Variants in CYRIA observed in about 807,000 individuals in gnomAD.
CYRIA encodes the protein CYFIP-related Rac1 interactor A.
In CYRIA, 15 loss-of-function variants were observed where a neutral mutation model predicts 43.9. The observed-to-expected ratio is 0.34, with a 90% CI of 0.23 to 0.53. The LOEUF (loss-of-function observed/expected upper bound fraction) is 0.53. CYRIA is among the 20% of genes least tolerant of loss of function. The pLI, the probability that CYRIA is intolerant of heterozygous loss-of-function variation, is 0.94. For synonymous variants in CYRIA, 117 were observed against 136.0 expected (o/e 0.86, Z 0.97); for missense variants, 236 against 394.2 (o/e 0.60, Z 3.40).
chr2:16,599,983 T>C (rs1668144728), intron 2 of CYRIA, among the ~76,000 whole-genome samples: 1 of 152,194 alleles, frequency 6.6e-6, no homozygotes, highest in South Asian at 2.1e-4. Flanking sequence ...CTCGAACTCC[T>C]GACCTCAGGT....
chr2:16,620,793 C>T (rs143401500), intron 2 of CYRIA, among the ~76,000 whole-genome samples: 1 of 152,260 alleles, frequency 6.6e-6, no homozygotes, highest in African/African-American at 2.4e-5. Flanking sequence ...GGTGAAGGTG[C>T]ACAGGATTCC....
chr2:16,580,042 G>A (rs545113806), intron 3 of CYRIA, among the ~76,000 whole-genome samples: 145 of 152,042 alleles, frequency 9.5e-4, no homozygotes, highest in African/African-American at 3.4e-3. Flanking sequence ...CCACCTCCTG[G>A]CCTCGAGCAA....
rs138128718 is a variant in CYRIA, at chr2:16,630,171, C to T, written c.-166-6152G>A. Among the ~76,000 whole-genome samples, 594 of 152,300 alleles carry T rather than the reference C, an allele frequency of 3.9e-3. 2 individuals carry two copies. The highest frequency in any genetic ancestry group is 0.01 in the Middle Eastern group (3 of 294). On this transcript the variant is annotated intron_variant, in intron 1 of 11. Coordinates refer to ENST00000381323, the MANE Select transcript of CYRIA (RefSeq NM_030797.4). ...ACTCTTGCTGGAAATGGCAGTGCTC[C>T]TATTATCCACATCTTACAGATAAGG... is the stretch of plus-strand genomic sequence containing the variant.
At position 16,549,925 on chromosome 2, in the gene CYRIA, T is replaced by A. The variant is rs540152550; in HGVS notation, c.*3011A>T. On this transcript the variant is annotated 3_prime_UTR_variant, in exon 12 of 12. Transcript: ENST00000381323. ...GTTAACTAGTAGTTAAAAGGTAATA[T>A]CCAAACTTTCTTTCTGGTTGTTAAT... The A allele has an allele frequency of 1.3e-5, 2 of 152,044 alleles. No individual in the cohort carries two copies. Among genetic ancestry groups the A allele is most frequent in the South Asian group, 4.1e-4 (2 of 4,822 alleles). 9.4% of individuals were successfully genotyped at this position (152,044 alleles called of 1,614,324 possible).
intron 3 of CYRIA, 126 bp from the exon 4 acceptor site, chr2:16,565,893 T>A: frequency 1.1e-6 from 1 of 899,110 alleles, no homozygotes; most frequent in Non-Finnish European, 1.5e-6. Context: ...ATTTACTCTT[T>A]AACCTAATAA....
In CYRIA at chr2:16,570,761, A is replaced by T. The variant is rs138294756; in HGVS notation, c.71-4994T>A. Among the ~76,000 whole-genome samples, 296 of 152,300 alleles carry T rather than the reference A, an allele frequency of 1.9e-3. 1 individual carries two copies. Among genetic ancestry groups the T allele is most frequent in the African/African-American group, 7.0e-3 (290 of 41,562 alleles). The stretch of plus-strand genomic sequence containing the variant: ...GACTGAACTTTAGTCAAAGAAAGGT[A>T]CAAACAGTCCCCACCACACACACAC... On this transcript the variant is annotated intron_variant, in intron 3 of 11. Transcript: ENST00000381323.
intron 2 of CYRIA, among the ~76,000 whole-genome samples, chr2:16,622,035 G>A (rs1669014094): frequency 1.3e-5 from 2 of 152,156 alleles, no homozygotes; most frequent in African/African-American, 4.8e-5. Flanking sequence ...ATGGATGACT[G>A]GGTGAATGAC....
At chr2:16,661,908 T>C (rs901950662) in intron 1 of CYRIA, among the ~76,000 whole-genome samples, 2 of 152,188 alleles carry the variant, frequency 1.3e-5, no homozygotes, top group Non-Finnish European at 2.9e-5. Context: ...AGAATTGTAC[T>C]GATAATTGAG....
At chr2:16,653,910 A>G (rs1234010950) in intron 1 of CYRIA, among the ~76,000 whole-genome samples, 1 of 152,240 alleles carries the variant, frequency 6.6e-6, no homozygotes, top group Non-Finnish European at 1.5e-5. Flanking sequence ...TTGCAAGTCT[A>G]TGATGAGCCA....
chr2:16,636,489 G>A (rs1669501947), intron 1 of CYRIA, among the ~76,000 whole-genome samples: 1 of 152,170 alleles, frequency 6.6e-6, no homozygotes, highest in Non-Finnish European at 1.5e-5. Flanking sequence ...CTTGCTTTGT[G>A]AATGAGGAGC....
At position 16,652,805 on chromosome 2, in the gene CYRIA, G is replaced by C. The variant is rs182743934; in HGVS notation, c.-167+12975C>G. Among the ~76,000 whole-genome samples the C allele has an allele frequency of 1.4e-3, 216 of 152,182 alleles. 2 individuals carry two copies. Among genetic ancestry groups the C allele is most frequent in the African/African-American group, 4.8e-3 (201 of 41,530 alleles). On this transcript the variant is annotated intron_variant, in intron 1 of 11. Coordinates refer to ENST00000381323, the MANE Select transcript of CYRIA (RefSeq NM_030797.4). ...ATTCTGAAGAAGCCCTCTTCCTCTG[G>C]ACTCCAATTAACACTCTCCTCTCCA... is the stretch of plus-strand genomic sequence containing the variant.
intron 1 of CYRIA, among the ~76,000 whole-genome samples, chr2:16,660,579 C>T (rs1670226074): frequency 6.6e-6 from 1 of 152,206 alleles, no homozygotes; most frequent in African/African-American, 2.4e-5. Flanking sequence ...TCATATTGAT[C>T]ACTGTATCCT....
Position 16,642,253 on chromosome 2 carries a change from G to A in CYRIA, c.-166-18234C>T, listed in dbSNP as rs569081968. Among the ~76,000 whole-genome samples the A allele has an allele frequency of 3.4e-4, 52 of 152,162 alleles. 1 individual carries two copies. The highest frequency in any genetic ancestry group is 1.2e-3 in the Admixed American group (18 of 15,280). On this transcript the variant is annotated intron_variant, in intron 1 of 11. Coordinates refer to ENST00000381323, the MANE Select transcript of CYRIA (RefSeq NM_030797.4). ...CTCCAATGCCTAACTCAAACTCAGCGTGGCCCAAAACAGAACTCTTCCTCT... is the reference window on the plus strand; with the variant it reads ...CTCCAATGCCTAACTCAAACTCAGCATGGCCCAAAACAGAACTCTTCCTCT...
At chr2:16,566,906 G>A (rs571446093) in intron 3 of CYRIA, among the ~76,000 whole-genome samples, 1 of 152,202 alleles carries the variant, frequency 6.6e-6, no homozygotes, top group Admixed American at 6.5e-5. Context: ...AGAGGGGACA[G>A]ATGTTATCTT....
chr2:16,600,155 A>G (rs574632508), intron 2 of CYRIA, among the ~76,000 whole-genome samples: 1 of 152,382 alleles, frequency 6.6e-6, no homozygotes, highest in South Asian at 2.1e-4. Context: ...AAACCCAACC[A>G]AAGTGGTTCA....
intron 9 of CYRIA, among the ~76,000 whole-genome samples, chr2:16,560,282 G>A (rs1444546768): frequency 6.6e-6 from 1 of 152,100 alleles, no homozygotes; most frequent in Non-Finnish European, 1.5e-5. Flanking sequence ...TGAAATATTT[G>A]AAATTAATGC....
intron 2 of CYRIA, among the ~76,000 whole-genome samples, chr2:16,601,363 C>A (rs953132953): frequency 6.6e-6 from 1 of 152,088 alleles, no homozygotes; most frequent in Admixed American, 6.5e-5. Flanking sequence ...CATTGGGTGA[C>A]CCCTCAATCC....
At chr2:16,589,849 G>A (rs527806046) in intron 2 of CYRIA, among the ~76,000 whole-genome samples, 1 of 152,064 alleles carries the variant, frequency 6.6e-6, no homozygotes, top group South Asian at 2.1e-4. Context: ...ACAGAGAAAT[G>A]ATGAGAAAAA....
intron 4 of CYRIA, among the ~76,000 whole-genome samples, chr2:16,565,175 CT>C (rs367672971): frequency 0.13 from 18,578 of 139,556 alleles, 1,485 homozygotes; most frequent in African/African-American, 0.26. Flanking sequence ...GATTCATGCT[CT>C]TTTTTTTTTT....
Sources: allele counts gnomAD v4.1 joint callset (sites outside exome capture counted in the v4.1 genomes callset), GRCh38; gene constraint gnomAD v4.1.1; transcripts MANE v1.5; gene names NCBI Gene and HGNC (gene_info 2026-07-23, HGNC 2026-07-21).